The following USP34 variants were observed in gnomAD, a reference collection of about 807,000 sequenced individuals.
USP34 encodes the protein ubiquitin specific peptidase 34.
In USP34, 70 loss-of-function variants were observed where a neutral mutation model predicts 460.3. The observed-to-expected ratio is 0.15, with a 90% CI of 0.13 to 0.19. The LOEUF is 0.19. Ranked by LOEUF, USP34 falls within the 10% of genes least tolerant of loss-of-function variation. The pLI is 1.00. For missense variants in USP34, 3,985 were observed against 4,236.2 expected (o/e 0.94, Z 1.65); for synonymous variants, 1,647 against 1,405.3 (o/e 1.17, Z -3.85).
chr2:61,197,736 T>A (rs1328081325), intron 75 of USP34, among the ~76,000 whole-genome samples: 1 of 152,102 alleles, frequency 6.6e-6, no homozygotes, highest in African/African-American at 2.4e-5. Flanking sequence ...TAGCTGGGAC[T>A]ACATGTGCAT....
chr2:61,345,965 C>G (rs1691754788), intron 15 of USP34, among the ~76,000 whole-genome samples: 1 of 152,130 alleles, frequency 6.6e-6, no homozygotes, highest in African/African-American at 2.4e-5. Context: ...TTTTGCCCAT[C>G]ATAATACCAC....
chr2:61,461,255 T>C (rs1695591073), intron 1 of USP34, among the ~76,000 whole-genome samples: 1 of 151,672 alleles, frequency 6.6e-6, no homozygotes, highest in Non-Finnish European at 1.5e-5. Context: ...TAGCCAGGCA[T>C]GGTGGCAGGC....
At chr2:61,276,153 CA>C (rs1689366398) in intron 41 of USP34, among the ~76,000 whole-genome samples, 1 of 152,166 alleles carries the variant, frequency 6.6e-6, no homozygotes, top group East Asian at 1.9e-4. Context: ...ATCTCAGTGA[CA>C]TAAGAATCTG....
chr2:61,462,515 C>T (rs1248548632), intron 1 of USP34, among the ~76,000 whole-genome samples: 1 of 150,416 alleles, frequency 6.6e-6, no homozygotes, highest in Non-Finnish European at 1.5e-5. Flanking sequence ...TGCCACTGCA[C>T]TCCAGCCTGG....
intron 51 of USP34, among the ~76,000 whole-genome samples, chr2:61,242,981 T>C (rs1374066678): frequency 6.6e-6 from 1 of 151,916 alleles, no homozygotes; most frequent in Non-Finnish European, 1.5e-5. Context: ...TAGCTGGGAT[T>C]ACAGGTGCCC....
intron 2 of USP34, among the ~76,000 whole-genome samples, chr2:61,418,445 A>T (rs774401912): frequency 2.0e-5 from 3 of 152,214 alleles, no homozygotes; most frequent in African/African-American, 7.2e-5. Flanking sequence ...CTACAAAAAC[A>T]ATTTATGACC....
chr2:61,395,947 C>T (rs1693510565), intron 3 of USP34, among the ~76,000 whole-genome samples: 1 of 151,534 alleles, frequency 6.6e-6, no homozygotes, highest in Non-Finnish European at 1.5e-5. Context: ...ACTTGTAATA[C>T]TCAGGAGGCT....
chr2:61,319,163 A>G lies in USP34; in HGVS notation c.3168+10T>C. 6.5e-7 allele frequency: 1 copy of G among 1,543,504 alleles called. No individual in the cohort carries two copies. The highest frequency in any genetic ancestry group is 8.7e-7 in the Non-Finnish European group (1 of 1,154,674). Reference sequence around the variant, plus strand: ...GAAAAATAATAACAAACTGAGAGAAATGTAATTACCTTCTCCAGGAAAAGA... The same window carrying G: ...GAAAAATAATAACAAACTGAGAGAAGTGTAATTACCTTCTCCAGGAAAAGA... On this transcript the variant is annotated intron_variant, in intron 22 of 79. Transcript: ENST00000398571.
chr2:61,228,888 C>T lies in USP34; in HGVS notation c.7307G>A (p.Ser2436Asn). ...LIMEHGVKPH[S>N]KHLTEYFAFL... The stretch of plus-strand genomic sequence containing the variant: ...GGCAAAATACTCTGTAAGATGTTTA[C>T]TGTGAGGTTTTACACCATGTTCCAT... Residue 2436 changes from serine to asparagine, a missense_variant, in exon 60 of 80, where the codon AGT (serine) becomes AAT (asparagine). Ser to Asn is a conservative substitution (Grantham distance 46). Around this residue, in one of 14 missense-constraint regions of USP34, gnomAD observed 604 missense variants for 684.8 expected, o/e 0.88. Coordinates refer to ENST00000398571, the MANE Select transcript of USP34 (RefSeq NM_014709.4). 6.2e-7 allele frequency: 1 copy of T among 1,608,854 alleles called. No individual in the cohort carries two copies. Among genetic ancestry groups the T allele is most frequent in the Non-Finnish European group, 8.5e-7 (1 of 1,177,798 alleles).
At chr2:61,266,471 C>T (rs1345781987) in intron 41 of USP34, among the ~76,000 whole-genome samples, 1 of 152,106 alleles carries the variant, frequency 6.6e-6, no homozygotes, top group African/African-American at 2.4e-5. Context: ...CCTCATTATT[C>T]CCTTGACAAG....
At chr2:61,360,588 GA>G (rs1692245186) in intron 10 of USP34, among the ~76,000 whole-genome samples, 1 of 152,150 alleles carries the variant, frequency 6.6e-6, no homozygotes, top group Non-Finnish European at 1.5e-5. Flanking sequence ...TGCACTGAAG[GA>G]AAAATATCAT....
chr2:61,360,308 A>G (rs1052883012), intron 10 of USP34, among the ~76,000 whole-genome samples: 1 of 152,156 alleles, frequency 6.6e-6, no homozygotes, highest in Non-Finnish European at 1.5e-5. Context: ...CAACTCCACA[A>G]CAACAGAAAA....
chr2:61,387,724 T>A (rs1317299334), intron 5 of USP34, among the ~76,000 whole-genome samples: 1 of 148,088 alleles, frequency 6.8e-6, no homozygotes, highest in Non-Finnish European at 1.5e-5. Context: ...TTTTTACGTA[T>A]ACACACATGT....
At chr2:61,435,181 T>A (rs1211387803) in intron 1 of USP34, among the ~76,000 whole-genome samples, 1 of 151,530 alleles carries the variant, frequency 6.6e-6, no homozygotes. Flanking sequence ...GGTGAATGCT[T>A]ATAGTCCCAG....
intron 8 of USP34, among the ~76,000 whole-genome samples, chr2:61,372,983 G>T (rs922419690): frequency 1.3e-5 from 2 of 152,052 alleles, no homozygotes; most frequent in African/African-American, 4.8e-5. Context: ...ATTTAAAGGA[G>T]TAAGAGAAAA....
intron 53 of USP34, among the ~76,000 whole-genome samples, chr2:61,237,342 T>C (rs992037307): frequency 1.3e-5 from 2 of 152,110 alleles, no homozygotes; most frequent in African/African-American, 4.8e-5. Flanking sequence ...ATGGGCTCAG[T>C]TGTAGATTCT....
At chr2:61,192,329 C>T (rs183194148) in intron 76 of USP34, among the ~76,000 whole-genome samples, 1 of 152,200 alleles carries the variant, frequency 6.6e-6, no homozygotes, top group Non-Finnish European at 1.5e-5. Context: ...CCCAATTCTG[C>T]CTTTGTAACT....
intron 67 of USP34, among the ~76,000 whole-genome samples, chr2:61,215,727 G>T (rs913749078): frequency 3.3e-5 from 5 of 152,180 alleles, no homozygotes; most frequent in African/African-American, 1.2e-4. Flanking sequence ...AATGATAATG[G>T]TAAAACAATA....
At chr2:61,311,741 C>T in intron 26 of USP34, 43 bp downstream of exon 26, 1 of 1,609,030 alleles carries the variant, frequency 6.2e-7, no homozygotes, top group Non-Finnish European at 8.5e-7. Flanking sequence ...GATATTTGAC[C>T]TGGGAAATGT....
Sources: gnomAD v4.1 joint callset for allele counts (sites outside exome capture counted in the v4.1 genomes callset) on GRCh38, gnomAD v4.1.1 for gene constraint, gnomAD v4.1.1 regional missense constraint, MANE v1.5 for transcripts, NCBI Gene and HGNC (gene_info 2026-07-23, HGNC 2026-07-21) for gene names.